AMPH: variants seen among roughly 807,000 people sequenced by gnomAD.
AMPH encodes amphiphysin (Stiff-Mann syndrome with breast cancer 128kD autoantigen).
A neutral mutation model predicts 99.1 loss-of-function variants in AMPH; 49 were observed. The ratio of observed to expected loss-of-function variants is 0.49; its 90% confidence interval spans 0.39 to 0.63. The LOEUF is 0.63. AMPH is among the 20% of genes least tolerant of loss of function. The probability of loss-of-function intolerance (pLI) is 0.00; values close to 1 mark genes in which losing one functional copy is unlikely to be tolerated. For synonymous variants in AMPH, 314 were observed against 317.3 expected (o/e 0.99, Z 0.11); for missense variants, 759 against 863.4 (o/e 0.88, Z 1.52).
At chr7:38,575,489 G>C (rs931182731) in intron 1 of AMPH, among the ~76,000 whole-genome samples, 1 of 152,032 alleles carries the variant, frequency 6.6e-6, no homozygotes, top group Non-Finnish European at 1.5e-5. Context: ...TTACATCATG[G>C]GGGCAGTTAC....
rs139352846 is a variant in AMPH at position 38,421,273 on chromosome 7, C to T, written c.1272+1148G>A. Among the ~76,000 whole-genome samples the T allele has an allele frequency of 9.4e-3, 1,431 of 152,262 alleles. 16 individuals carry two copies. Among genetic ancestry groups the T allele is most frequent in the Middle Eastern group, 0.017 (5 of 294 alleles). Reference sequence around the variant, plus strand: ...GTGTGAGTTTAATTATAACCAATTGCCTTTCCTTTTATACTGGTATTTCTC... The same window carrying T: ...GTGTGAGTTTAATTATAACCAATTGTCTTTCCTTTTATACTGGTATTTCTC... On this transcript the variant is annotated intron_variant, in intron 16 of 20. Coordinates refer to ENST00000356264, the MANE Select transcript of AMPH (RefSeq NM_001635.4).
chr7:38,535,514 G>A (rs1790566003), intron 1 of AMPH, among the ~76,000 whole-genome samples: 1 of 152,104 alleles, frequency 6.6e-6, no homozygotes, highest in Non-Finnish European at 1.5e-5. Context: ...GGGTGGCGGG[G>A]GGAATGGTTT....
chr7:38,432,835 A>G (rs1020085370), intron 12 of AMPH, among the ~76,000 whole-genome samples: 3 of 152,232 alleles, frequency 2.0e-5, no homozygotes, highest in African/African-American at 7.2e-5. Flanking sequence ...ATTGGTAATC[A>G]TACAAATTGG....
intron 15 of AMPH, among the ~76,000 whole-genome samples, chr7:38,423,509 T>C (rs2128989836): frequency 6.6e-6 from 1 of 152,320 alleles, no homozygotes; most frequent in South Asian, 2.1e-4. Context: ...GTTGCCTCTG[T>C]TACCTCCTGA....
intron 2 of AMPH, among the ~76,000 whole-genome samples, chr7:38,531,973 G>C (rs1584213327): frequency 1.3e-5 from 2 of 151,976 alleles, no homozygotes; most frequent in African/African-American, 2.4e-5. Flanking sequence ...CATAATCTTG[G>C]CAGATCCTTC....
At chr7:38,446,596 G>A (rs1043079586) in intron 11 of AMPH, among the ~76,000 whole-genome samples, 17 of 152,196 alleles carry the variant, frequency 1.1e-4, no homozygotes, top group Admixed American at 1.1e-3. Flanking sequence ...AAAGATGAGT[G>A]TTTGCCTAGA....
intron 1 of AMPH, among the ~76,000 whole-genome samples, chr7:38,545,549 C>A (rs1157511117): frequency 6.6e-6 from 1 of 152,190 alleles, no homozygotes; most frequent in Non-Finnish European, 1.5e-5. Context: ...GAGGGCCACC[C>A]ATCCTCTTTG....
At chr7:38,397,093 G>C (rs1344523507) in intron 17 of AMPH, among the ~76,000 whole-genome samples, 1 of 152,184 alleles carries the variant, frequency 6.6e-6, no homozygotes, top group Non-Finnish European at 1.5e-5. Flanking sequence ...CAGAGCAGCA[G>C]ACACCACCAC....
rs529223141 is a variant in AMPH at position 38,516,283 on chromosome 7, G to C, written c.151-12579C>G. Among the ~76,000 whole-genome samples the C allele has an allele frequency of 3.9e-5, 6 of 152,332 alleles. No individual in the cohort carries two copies. In the South Asian group the frequency reaches 1.2e-3, roughly 32 times the overall value. On this transcript the variant is annotated intron_variant, in intron 2 of 20. Transcript: ENST00000356264. ...GCCCTGAGGCCTAGAAGGAAAGAAT[G>C]GTTCTGTGGGCTGGCCCAGGGCCCT...
At chr7:38,491,268 G>C (rs751261385) in intron 4 of AMPH, 123 bp from the exon 5 acceptor site, 3 of 649,728 alleles carry the variant, frequency 4.6e-6, no homozygotes, top group Non-Finnish European at 5.2e-6. Context: ...AGATGCTAGG[G>C]GAAAAATGAG....
At chr7:38,430,205 A>G in intron 13 of AMPH, 1 of 299,472 alleles carries the variant, frequency 3.3e-6, no homozygotes, top group African/African-American at 2.2e-5. Flanking sequence ...AATAAGATCA[A>G]GCACTAGAGG....
At chr7:38,484,659 A>G (rs1274661283) in intron 5 of AMPH, among the ~76,000 whole-genome samples, 4 of 152,046 alleles carry the variant, frequency 2.6e-5, no homozygotes, top group African/African-American at 7.2e-5. Flanking sequence ...AAAGTATAAC[A>G]TTTGTTGGTA....
At chr7:38,430,768 G>T (rs3807426) in intron 13 of AMPH, among the ~76,000 whole-genome samples, 124,473 of 152,180 alleles carry the variant, frequency 0.82, 51,394 homozygotes, top group Non-Finnish European at 0.88. Flanking sequence ...ATATAACTTA[G>T]TCATTGGTGG....
chr7:38,619,097 C>A (rs1584313187), intron 1 of AMPH, among the ~76,000 whole-genome samples: 1 of 152,188 alleles, frequency 6.6e-6, no homozygotes, highest in East Asian at 1.9e-4. Flanking sequence ...GAGGCTGAGG[C>A]AGGAGGATTG....
intron 2 of AMPH, among the ~76,000 whole-genome samples, chr7:38,509,734 T>C (rs1056024603): frequency 4.4e-4 from 67 of 152,158 alleles, no homozygotes; most frequent in Admixed American, 2.3e-3. Context: ...TTTACCTTAA[T>C]AGCTAGAGCA....
intron 1 of AMPH, among the ~76,000 whole-genome samples, chr7:38,628,801 T>C (rs904588190): frequency 2.0e-5 from 3 of 152,256 alleles, no homozygotes; most frequent in Admixed American, 6.5e-5. Context: ...GTGGTTTTTT[T>C]CTGCTGACTA....
chr7:38,485,610 AACTATCAAATG>A (rs1000075268), intron 5 of AMPH, among the ~76,000 whole-genome samples: 8 of 151,960 alleles, frequency 5.3e-5, no homozygotes, highest in African/African-American at 1.9e-4. Flanking sequence ...AGACCTGAGC[AACTATCAAATG>A]GACCTAACAG....
chr7:38,487,383 T>C (rs1289090485), intron 5 of AMPH, among the ~76,000 whole-genome samples: 1 of 152,062 alleles, frequency 6.6e-6, no homozygotes, highest in Non-Finnish European at 1.5e-5. Flanking sequence ...TCTACAACCA[T>C]CTGATCTTTG....
chr7:38,398,192 A>AG (rs1158118571), intron 17 of AMPH, among the ~76,000 whole-genome samples: 2 of 136,312 alleles, frequency 1.5e-5, no homozygotes, highest in Non-Finnish European at 3.4e-5. Context: ...CAAAAAAAAA[A>AG]AAACAAAAAA....
Sources: allele counts gnomAD v4.1 joint callset (sites outside exome capture counted in the v4.1 genomes callset), GRCh38; gene constraint gnomAD v4.1.1; transcripts MANE v1.5; gene names NCBI Gene and HGNC (gene_info 2026-07-23, HGNC 2026-07-21).